Variants in APBA1 observed in about 807,000 individuals in gnomAD.
APBA1 encodes amyloid beta precursor protein binding family A member 1.
In APBA1, 55 loss-of-function variants were observed where a neutral mutation model predicts 86.6. That is an observed-to-expected ratio of 0.64 (90% CI 0.51 to 0.80). The LOEUF (loss-of-function observed/expected upper bound fraction) is 0.80, where lower values mean the gene tolerates loss of function less well. Among genes scored for constraint, APBA1 ranks in the 30% least tolerant of loss-of-function variants. The probability of loss-of-function intolerance (pLI) is 0.00; values close to 1 mark genes in which losing one functional copy is unlikely to be tolerated. For synonymous variants in APBA1, 511 were observed against 493.9 expected (o/e 1.03, Z -0.46); for missense variants, 1,090 against 1,183.0 (o/e 0.92, Z 1.15).
chr9:69,560,154 T>C (rs368299681), intron 1 of APBA1, among the ~76,000 whole-genome samples: 20 of 152,350 alleles, frequency 1.3e-4, no homozygotes, highest in African/African-American at 4.8e-4. Flanking sequence ...ATCAAACAGC[T>C]GCCAAGGCCA....
intron 1 of APBA1, among the ~76,000 whole-genome samples, chr9:69,600,846 A>G (rs1339220033): frequency 1.3e-5 from 2 of 149,380 alleles, no homozygotes; most frequent in South Asian, 2.1e-4. Flanking sequence ...AATAAAATAA[A>G]AAATAAATAA....
chr9:69,456,104 A>T, intron 8 of APBA1, 143 bp downstream of exon 8: 2 of 936,794 alleles, frequency 2.1e-6, no homozygotes, highest in Non-Finnish European at 3.3e-6. Context: ...ACTCAGCCTT[A>T]TATCTCTAGT....
chr9:69,543,175 C>T (rs565748247), intron 1 of APBA1, among the ~76,000 whole-genome samples: 3 of 152,278 alleles, frequency 2.0e-5, no homozygotes, highest in Non-Finnish European at 4.4e-5. Flanking sequence ...TGGGAGGGGC[C>T]GTGGCCCCTA....
At chr9:69,469,378 T>C (rs1483280139) in intron 4 of APBA1, among the ~76,000 whole-genome samples, 1 of 152,224 alleles carries the variant, frequency 6.6e-6, no homozygotes, top group Non-Finnish European at 1.5e-5. Flanking sequence ...GAACTACTTA[T>C]CAGAGTAAAG....
At chr9:69,611,570 C>T (rs991534246) in intron 1 of APBA1, among the ~76,000 whole-genome samples, 14 of 152,048 alleles carry the variant, frequency 9.2e-5, no homozygotes, top group African/African-American at 2.7e-4. Context: ...AATTTTGGTC[C>T]GCACTCTTCA....
intron 1 of APBA1, among the ~76,000 whole-genome samples, chr9:69,575,576 T>C (rs912353671): frequency 1.6e-4 from 25 of 152,140 alleles, no homozygotes; most frequent in Admixed American, 1.6e-3. Flanking sequence ...ATCTGATCTT[T>C]GACAAACCTG....
chr9:69,556,034 C>A (rs1029260344), intron 1 of APBA1, among the ~76,000 whole-genome samples: 18 of 152,154 alleles, frequency 1.2e-4, no homozygotes, highest in East Asian at 9.7e-4. Flanking sequence ...AAAACAAAAA[C>A]CAAACCACTT....
At chr9:69,551,078 G>T (rs1836777490) in intron 1 of APBA1, among the ~76,000 whole-genome samples, 1 of 152,132 alleles carries the variant, frequency 6.6e-6, no homozygotes, top group Non-Finnish European at 1.5e-5. Flanking sequence ...TTCAGATAAA[G>T]TTCATTAAAC....
At chr9:69,570,118 C>T (rs527777697) in intron 1 of APBA1, among the ~76,000 whole-genome samples, 13 of 152,260 alleles carry the variant, frequency 8.5e-5, no homozygotes, top group African/African-American at 2.6e-4. Context: ...TGAGAACTTG[C>T]CCAGAGTTTA....
At chr9:69,627,540 G>A (rs12342975) in intron 1 of APBA1, among the ~76,000 whole-genome samples, 1,782 of 152,212 alleles carry the variant, frequency 0.012, 20 homozygotes, top group African/African-American at 0.035. Context: ...TGTGCCATCT[G>A]GGTGTCAATT....
intron 1 of APBA1, among the ~76,000 whole-genome samples, chr9:69,650,998 A>G (rs1366480520): frequency 6.6e-6 from 1 of 152,210 alleles, no homozygotes; most frequent in Non-Finnish European, 1.5e-5. Context: ...ATAGCCAAAA[A>G]CTGAAAATAA....
At chr9:69,464,329 T>G (rs1835241277) in intron 5 of APBA1, 1 of 152,256 alleles carries the variant, frequency 6.6e-6, no homozygotes, top group Non-Finnish European at 1.5e-5. Context: ...CAACAGTTCC[T>G]TCCAATGCAT....
At chr9:69,489,046 C>T (rs189032883) in intron 2 of APBA1, among the ~76,000 whole-genome samples, 1 of 152,034 alleles carries the variant, frequency 6.6e-6, no homozygotes, top group Non-Finnish European at 1.5e-5. Context: ...ATGAAAATGG[C>T]CATACTGCCC....
intron 1 of APBA1, among the ~76,000 whole-genome samples, chr9:69,532,777 T>G (rs964127452): frequency 6.6e-6 from 1 of 152,212 alleles, no homozygotes; most frequent in Non-Finnish European, 1.5e-5. Context: ...ATCACACTTC[T>G]AAGTAGTCAA....
At chr9:69,529,756 C>T (rs191593217) in intron 1 of APBA1, among the ~76,000 whole-genome samples, 2 of 152,184 alleles carry the variant, frequency 1.3e-5, no homozygotes, top group Admixed American at 1.3e-4. Flanking sequence ...ATTAAACAGA[C>T]CACCTATAGA....
Position 69,643,702 on chromosome 9 carries a change from G to C in APBA1, c.-70+28451C>G, listed in dbSNP as rs75393312. Reference sequence around the variant, plus strand: ...AAAGAATCCGACGGATTCGTCTTGAGGTCCATTGGCTATGGCTTCAGAGCT... The same window carrying C: ...AAAGAATCCGACGGATTCGTCTTGACGTCCATTGGCTATGGCTTCAGAGCT... On this transcript the variant is annotated intron_variant, in intron 1 of 12. Transcript: ENST00000265381. 8.5e-5 allele frequency among the ~76,000 whole-genome samples: 13 copies of C among 152,252 alleles called. No individual in the cohort carries two copies. In the East Asian group the frequency reaches 2.5e-3, roughly 29 times the overall value.
At chr9:69,667,135 A>G (rs1823855881) in intron 1 of APBA1, among the ~76,000 whole-genome samples, 1 of 152,212 alleles carries the variant, frequency 6.6e-6, no homozygotes, top group Non-Finnish European at 1.5e-5. Flanking sequence ...AATTTAGCTC[A>G]GATCTCTGAG....
intron 1 of APBA1, among the ~76,000 whole-genome samples, chr9:69,612,764 AAG>A (rs1263308172): frequency 2.6e-5 from 4 of 152,048 alleles, no homozygotes; most frequent in African/African-American, 9.7e-5. Context: ...TTGAGAAAAA[AAG>A]AATAATTTTG....
intron 1 of APBA1, among the ~76,000 whole-genome samples, chr9:69,526,402 C>G (rs76507716): frequency 8.6e-5 from 13 of 151,890 alleles, no homozygotes; most frequent in African/African-American, 3.1e-4. Flanking sequence ...CCCATTAAAA[C>G]GAGGAAAAGA....
Sources: gnomAD v4.1 joint callset for allele counts (sites outside exome capture counted in the v4.1 genomes callset) on GRCh38, gnomAD v4.1.1 for gene constraint, MANE v1.5 for transcripts, NCBI Gene and HGNC (gene_info 2026-07-23, HGNC 2026-07-21) for gene names.